Variants in MEN1 observed in about 807,000 individuals in gnomAD.
MEN1 encodes menin 1.
MEN1 carries 6 observed loss-of-function variants against 58.0 expected under a neutral mutation model. That is an observed-to-expected ratio of 0.10 (90% confidence interval 0.06 to 0.20). MEN1 has a LOEUF of 0.20. Among genes scored for constraint, MEN1 ranks in the 10% least tolerant of loss-of-function variants. The pLI is 1.00. For missense variants in MEN1, 492 were observed against 818.5 expected, an observed-to-expected ratio of 0.60 and a Z score of 4.87; for synonymous variants, 346 against 350.7, an observed-to-expected ratio of 0.99 and a Z score of 0.15.
chr11:64,811,221 C>G (rs1307034065), upstream of MEN1: 1 of 151,328 alleles, frequency 6.6e-6, no homozygotes, highest in East Asian at 1.9e-4. Flanking sequence ...CTCAGCCTCC[C>G]GAGTAGCTGT....
intron 2 of MEN1, among the ~76,000 whole-genome samples, chr11:64,808,566 T>C (rs535696324): frequency 1.3e-4 from 20 of 152,360 alleles, no homozygotes; most frequent in Non-Finnish European, 1.6e-4. Flanking sequence ...CACACCAGGA[T>C]GGGATTGCCA....
rs754539993 is a variant in MEN1 at position 64,804,843 on chromosome 11, G to A, written c.1351-27C>T. 32 of 1,595,838 alleles carry A rather than the reference G, an allele frequency of 2.0e-5. No individual in the cohort carries two copies. The highest frequency in any genetic ancestry group is 2.6e-5 in the Non-Finnish European group (31 of 1,178,304). On this transcript the variant is annotated intron_variant, in intron 9 of 9. Coordinates refer to ENST00000450708, the MANE Select transcript of MEN1 (RefSeq NM_001370259.2). This position sits in a 1 kb window ranked among gnomAD's most constrained non-coding sequence, Gnocchi z 4.2. ...TGGGCCAGTGGGGAGAGCAAGGTGAGAGCAAGGTTGCCGGCCAGTGGCTGG... is the reference window on the plus strand; with the variant it reads ...TGGGCCAGTGGGGAGAGCAAGGTGAAAGCAAGGTTGCCGGCCAGTGGCTGG...
rs1941836134 is a variant in MEN1 at position 64,807,733 on chromosome 11, T to C, written c.655-53A>G. ...TCATGATGGCCCACCCTGTGCCTGC[T>C]TCAGGGAATGACAGCCAGGAAAAGG... On this transcript the variant is annotated intron_variant, in intron 3 of 9. Coordinates refer to ENST00000450708, the MANE Select transcript of MEN1 (RefSeq NM_001370259.2). The surrounding 1 kb of genome is among the most constrained non-coding windows in gnomAD (Gnocchi z 4.9). The C allele has an allele frequency of 6.2e-7, 1 of 1,613,674 alleles. No homozygotes were observed. Among genetic ancestry groups the C allele is most frequent in the Non-Finnish European group, 8.5e-7 (1 of 1,179,836 alleles).
chr11:64,805,810 C>G, intron 7 of MEN1, 40 bp from the exon 8 acceptor site: 1 of 1,613,148 alleles, frequency 6.2e-7, no homozygotes, highest in Non-Finnish European at 8.5e-7. Flanking sequence ...CTGAAGGGGT[C>G]TCACCATCGG....
chr11:64,808,630 G>A (rs1445541281), intron 2 of MEN1, among the ~76,000 whole-genome samples: 2 of 152,202 alleles, frequency 1.3e-5, no homozygotes. Flanking sequence ...TAAGCCTTTT[G>A]AGGTCAAGCC....
Position 64,805,627 on chromosome 11 carries a change from C to T in MEN1, c.1185+8G>A. 6.2e-7 allele frequency: 1 copy of T among 1,613,252 alleles called. No homozygotes were observed. Among genetic ancestry groups the T allele is most frequent in the Non-Finnish European group, 8.5e-7 (1 of 1,179,942 alleles). ...GGCTGGACACAGGCTGGAGCTCCAG[C>T]CTTTCACCTGGCTTTGCTCCCCCGG... is the stretch of plus-strand genomic sequence containing the variant. On this transcript the variant is annotated splice_region_variant and intron_variant, in intron 8 of 9. Coordinates refer to ENST00000450708, the MANE Select transcript of MEN1 (RefSeq NM_001370259.2).
chr11:64,808,428 G>A (rs1215272468), intron 2 of MEN1, among the ~76,000 whole-genome samples: 4 of 152,166 alleles, frequency 2.6e-5, no homozygotes, highest in Admixed American at 2.0e-4. Flanking sequence ...GGTTAAAACA[G>A]GAATGGCAAA....
rs971796209 is a variant in MEN1 at position 64,804,162 on chromosome 11, T to C, written c.*172A>G. 1.1e-5 allele frequency: 9 copies of C among 799,530 alleles called. No individual in the cohort carries two copies. Among genetic ancestry groups the C allele is most frequent in the Non-Finnish European group, 1.7e-5 (8 of 483,100 alleles). The allele number at this position is 799,530 out of a possible 1,614,324, so 49.5% of individuals were successfully genotyped here. On this transcript the variant is annotated 3_prime_UTR_variant, in exon 10 of 10. Coordinates refer to ENST00000450708, the MANE Select transcript of MEN1 (RefSeq NM_001370259.2). This position sits in a 1 kb window ranked among gnomAD's most constrained non-coding sequence, Gnocchi z 4.2. ...ACGACTGGGGCAGAGCCCTGGGTTC[T>C]GAGCTGGAGAAAATCGTGGGTTTGA...
rs1283021293 is a variant in MEN1, at chr11:64,809,902, C to T, written c.208G>A (p.Asp70Asn). 3.2e-6 allele frequency: 5 copies of T among 1,582,220 alleles called. No homozygotes were observed. Among genetic ancestry groups the T allele is most frequent in the African/African-American group, 2.8e-5 (2 of 72,280 alleles). The change falls in exon 2 of 10, where the codon GAC becomes AAC. Residue 70 changes from aspartate to asparagine, a missense_variant. Asp to Asn is a conservative substitution (Grantham distance 23, BLOSUM62 1). Coordinates refer to ENST00000450708, the MANE Select transcript of MEN1 (RefSeq NM_001370259.2). ...ELTFQPSPAP[D>N]PPGGLTYFPV... ...AAGTAGGTGAGGCCGCCAGGCGGGT[C>T]GGGGGCGGGGCTGGGCTGGAAGGTG...
intron 1 of MEN1, 44 bp from the exon 2 acceptor site, chr11:64,810,176 G>C: frequency 8.1e-7 from 1 of 1,232,216 alleles, no homozygotes; most frequent in East Asian, 2.5e-5. Flanking sequence ...AGGTTCGGCC[G>C]GGGAGCCTCC....
chr11:64,805,707 G>T lies in MEN1; in HGVS notation c.1113C>A (p.Val371=), dbSNP rs1941669593. 1 of 1,614,232 alleles carries T rather than the reference G, an allele frequency of 6.2e-7. No individual in the cohort carries two copies. The highest frequency in any genetic ancestry group is 2.2e-5 in the East Asian group (1 of 44,892). ...YKEFFEVAND[V]IPNLLKEAAS... ...CTGCCTCCTTCAGCAGGTTGGGGATGACATCATTGGCTACTTCAAAGAACT... is the reference window on the plus strand; with the variant it reads ...CTGCCTCCTTCAGCAGGTTGGGGATTACATCATTGGCTACTTCAAAGAACT... The change falls in exon 8 of 10, where the codon GTC becomes GTA. Residue 371 remains valine (V), a synonymous_variant. Coordinates refer to ENST00000450708, the MANE Select transcript of MEN1 (RefSeq NM_001370259.2).
In MEN1 at chr11:64,804,230, G is replaced by A. The variant is rs886048477; in HGVS notation, c.*104C>T. The A allele has an allele frequency of 2.6e-5, 38 of 1,486,408 alleles. No individual in the cohort carries two copies. The Admixed American group carries it at 6.0e-4, about 24-fold the overall frequency. The allele number at this position is 1,486,408 out of a possible 1,614,324, so 92.1% of individuals were successfully genotyped here. ...ACCGGGAACCTAGGGTTTGGGTAGA[G>A]GTGAGGCCTGTCCCCTTTGGGCTGG... On this transcript the variant is annotated 3_prime_UTR_variant, in exon 10 of 10. Transcript: ENST00000450708. The surrounding 1 kb of genome is among the most constrained non-coding windows in gnomAD (Gnocchi z 4.2).
In MEN1 at chr11:64,804,127, C is replaced by A; in HGVS notation, c.*207G>T. Reference sequence around the variant, plus strand: ...CGGCTGGGATTCTGGGAGAAGAGACCTATATTCTAACGACTGGGGCAGAGC... The same window carrying A: ...CGGCTGGGATTCTGGGAGAAGAGACATATATTCTAACGACTGGGGCAGAGC... On this transcript the variant is annotated 3_prime_UTR_variant, in exon 10 of 10. Coordinates refer to ENST00000450708, the MANE Select transcript of MEN1 (RefSeq NM_001370259.2). The surrounding 1 kb of genome is among the most constrained non-coding windows in gnomAD (Gnocchi z 4.2). 1.6e-6 allele frequency: 1 copy of A among 628,920 alleles called. No individual in the cohort carries two copies. The allele number at this position is 628,920 out of a possible 1,614,324, so 39.0% of individuals were successfully genotyped here.
Position 64,809,885 on chromosome 11 carries a change from G to T in MEN1, c.225C>A (p.Leu75=), listed in dbSNP as rs1333791405. 1.3e-6 allele frequency: 2 copies of T among 1,599,938 alleles called. No individual in the cohort carries two copies. Among genetic ancestry groups the T allele is most frequent in the African/African-American group, 1.3e-5 (1 of 74,678 alleles). The change falls in exon 2 of 10, where the codon CTC becomes CTA. Residue 75 remains leucine (L), a synonymous_variant. Transcript: ENST00000450708. ...PSPAPDPPGG[L]TYFPVADLSI... ...ACAGGTCGGCCACGGGAAAGTAGGT[G>T]AGGCCGCCAGGCGGGTCGGGGGCGG...
At position 64,810,110 on chromosome 11, in the gene MEN1, G is replaced by A; in HGVS notation, c.-1C>T. On this transcript the variant is annotated 5_prime_UTR_variant, in exon 2 of 10. Coordinates refer to ENST00000450708, the MANE Select transcript of MEN1 (RefSeq NM_001370259.2). ...TCTTCTGGGCGGCCTTCAGCCCCAT[G>A]GCGGCGGGCGGTGGGCGGCGGCCTG... 6.4e-7 allele frequency: 1 copy of A among 1,569,662 alleles called. No homozygotes were observed. Among genetic ancestry groups the A allele is most frequent in the Non-Finnish European group, 8.6e-7 (1 of 1,161,252 alleles).
intron 2 of MEN1, 100 bp downstream of exon 2, chr11:64,809,565 G>T: frequency 6.9e-7 from 1 of 1,442,482 alleles, no homozygotes; most frequent in Non-Finnish European, 9.5e-7. Context: ...AACACCTGCC[G>T]AACCTCACAA....
At chr11:64,811,270 G>A (rs1194194795), upstream of MEN1, 3 of 142,094 alleles carry the variant, frequency 2.1e-5, no homozygotes, top group Non-Finnish European at 4.5e-5. Flanking sequence ...CTAATTTTGT[G>A]TGTATGTGCA....
At position 64,807,168 on chromosome 11, in the gene MEN1, C is replaced by T; in HGVS notation, c.824+11G>A. On this transcript the variant is annotated intron_variant, in intron 5 of 9. Coordinates refer to ENST00000450708, the MANE Select transcript of MEN1 (RefSeq NM_001370259.2). The surrounding 1 kb of genome is among the most constrained non-coding windows in gnomAD (Gnocchi z 4.9). ...TCACCAGGCGCAGCCTGGCCACTTC[C>T]CTCTACTGACCTTTCCAGATGTCCC... 6.2e-7 allele frequency: 1 copy of T among 1,613,992 alleles called. No homozygotes were observed. Among genetic ancestry groups the T allele is most frequent in the South Asian group, 1.1e-5 (1 of 91,050 alleles).
intron 6 of MEN1, among the ~76,000 whole-genome samples, 170 bp from the exon 7 acceptor site, chr11:64,806,538 C>G (rs549105049): frequency 6.6e-6 from 1 of 152,186 alleles, no homozygotes; most frequent in African/African-American, 2.4e-5. Context: ...TGGTCTCCTC[C>G]CTGGGTCTAC....
Sources: gnomAD v4.1 joint callset for allele counts (sites outside exome capture counted in the v4.1 genomes callset) on GRCh38, gnomAD v4.1.1 for gene constraint, Gnocchi (gnomAD v3.1) non-coding constraint, MANE v1.5 for transcripts, NCBI Gene and HGNC (gene_info 2026-07-23, HGNC 2026-07-21) for gene names.